BMERB1: variants seen among roughly 807,000 people sequenced by gnomAD.
The protein encoded by BMERB1 is bMERB domain-containing protein 1.
Under a neutral mutation model 23.6 loss-of-function variants are expected in BMERB1, and 12 were observed. The ratio of observed to expected loss-of-function variants is 0.51; its 90% CI spans 0.33 to 0.82. BMERB1 has a LOEUF of 0.82. Ranked by LOEUF, BMERB1 falls within the 40% of genes least tolerant of loss-of-function variation. The pLI is 0.03. For synonymous variants in BMERB1, 122 were observed against 96.6 expected, an observed-to-expected ratio of 1.26 and a Z score of -1.54; for missense variants, 247 against 255.4, an observed-to-expected ratio of 0.97 and a Z score of 0.22.
chr16:15,573,595 G>A (rs180899561), intron 3 of BMERB1, among the ~76,000 whole-genome samples: 47 of 152,192 alleles, frequency 3.1e-4, no homozygotes, highest in Admixed American at 8.5e-4. Flanking sequence ...TCAAGTGCAC[G>A]GTCTGCAAAA....
chr16:15,493,849 C>G (rs982693217), intron 1 of BMERB1, among the ~76,000 whole-genome samples: 1 of 152,180 alleles, frequency 6.6e-6, no homozygotes, highest in African/African-American at 2.4e-5. Context: ...GATTTTCAGG[C>G]TAAGCAGTTT....
chr16:15,505,219 C>T (rs1443874044), intron 1 of BMERB1, among the ~76,000 whole-genome samples: 1 of 152,216 alleles, frequency 6.6e-6, no homozygotes, highest in Non-Finnish European at 1.5e-5. Context: ...GAATTCTATT[C>T]TACAACAGGG....
intron 1 of BMERB1, among the ~76,000 whole-genome samples, chr16:15,435,246 CT>C (rs2050878104): frequency 6.6e-6 from 1 of 152,284 alleles, no homozygotes; most frequent in East Asian, 1.9e-4. Flanking sequence ...AAATTCCCAG[CT>C]TTTCCTCCCT....
intron 2 of BMERB1, among the ~76,000 whole-genome samples, chr16:15,519,949 T>C (rs939129070): frequency 1.3e-5 from 2 of 152,126 alleles, no homozygotes; most frequent in African/African-American, 4.8e-5. Context: ...CCTGGCTCTC[T>C]GACGTCCTTG....
chr16:15,474,628 C>T (rs2051260129), intron 1 of BMERB1, among the ~76,000 whole-genome samples: 2 of 152,156 alleles, frequency 1.3e-5, no homozygotes, highest in Admixed American at 1.3e-4. Flanking sequence ...GTTCCTCCTG[C>T]CTCAGCCTCC....
intron 2 of BMERB1, among the ~76,000 whole-genome samples, chr16:15,549,202 G>A (rs2030008681): frequency 6.6e-6 from 1 of 152,064 alleles, no homozygotes; most frequent in Non-Finnish European, 1.5e-5. Flanking sequence ...AGCTGAGCAT[G>A]GTGGCTGGTG....
chr16:15,544,599 G>T (rs893681984), intron 2 of BMERB1, among the ~76,000 whole-genome samples: 1 of 152,336 alleles, frequency 6.6e-6, no homozygotes, highest in East Asian at 1.9e-4. Context: ...GACACTCACA[G>T]CTTGGCCAAA....
chr16:15,544,792 G>T (rs1316837480), intron 2 of BMERB1, among the ~76,000 whole-genome samples: 1 of 152,124 alleles, frequency 6.6e-6, no homozygotes, highest in Non-Finnish European at 1.5e-5. Context: ...GTGACTGCTA[G>T]TTCTCCATCA....
intron 2 of BMERB1, among the ~76,000 whole-genome samples, chr16:15,547,141 A>G (rs960900883): frequency 6.7e-6 from 1 of 149,234 alleles, no homozygotes; most frequent in African/African-American, 2.5e-5. Context: ...GCTTCCGAGT[A>G]GCTGGGATTA....
At chr16:15,435,825 G>A (rs1380244377) in intron 1 of BMERB1, among the ~76,000 whole-genome samples, 1 of 152,220 alleles carries the variant, frequency 6.6e-6, no homozygotes, top group East Asian at 1.9e-4. Context: ...GGGCTCAACT[G>A]TGTTCTGATT....
intron 1 of BMERB1, among the ~76,000 whole-genome samples, chr16:15,470,719 T>C (rs1455318663): frequency 6.6e-6 from 1 of 151,086 alleles, no homozygotes; most frequent in Non-Finnish European, 1.5e-5. Context: ...AGAGACGGGG[T>C]TTCACCATGT....
intron 2 of BMERB1, among the ~76,000 whole-genome samples, chr16:15,534,270 A>AT (rs1229991391): frequency 1.4e-4 from 13 of 95,902 alleles, no homozygotes; most frequent in African/African-American, 3.6e-4. Flanking sequence ...AAAGACCTTG[A>AT]TTTTTTTTTT....
chr16:15,489,627 C>G (rs983511747), intron 1 of BMERB1, among the ~76,000 whole-genome samples: 2 of 152,132 alleles, frequency 1.3e-5, no homozygotes, highest in Non-Finnish European at 2.9e-5. Context: ...TCAGGAAAAG[C>G]AGACAGAGCC....
chr16:15,504,003 T>C (rs2051557642), intron 1 of BMERB1, among the ~76,000 whole-genome samples: 2 of 152,222 alleles, frequency 1.3e-5, no homozygotes, highest in Non-Finnish European at 2.9e-5. Flanking sequence ...ATTAAATGTA[T>C]ATAAGAGCAA....
At chr16:15,548,039 C>T (rs1472665399) in intron 2 of BMERB1, among the ~76,000 whole-genome samples, 1 of 152,184 alleles carries the variant, frequency 6.6e-6, no homozygotes, top group Non-Finnish European at 1.5e-5. Flanking sequence ...GGCTGGAGCG[C>T]AGTGGCATGA....
rs1293034586 is a variant in BMERB1, at chr16:15,587,693, C to T, written c.*864C>T. 2 of 292,672 alleles carry T rather than the reference C, an allele frequency of 6.8e-6. No homozygotes were observed. The highest frequency in any genetic ancestry group is 4.5e-5 in the African/African-American group (2 of 44,698). 18.1% of individuals were successfully genotyped at this position (292,672 alleles called of 1,614,324 possible). The stretch of plus-strand genomic sequence containing the variant: ...GCAGGATGCCACTTTGCCAGCCCGA[C>T]ACACGGACCTTTGTAAAGAACAGCA... On this transcript the variant is annotated 3_prime_UTR_variant, in exon 6 of 6. Transcript: ENST00000300006.
chr16:15,587,098 G>C lies in BMERB1; in HGVS notation c.*269G>C, dbSNP rs2031167662. 2.2e-6 allele frequency: 1 copy of C among 454,200 alleles called. No individual in the cohort carries two copies. The highest frequency in any genetic ancestry group is 3.9e-6 in the Non-Finnish European group (1 of 255,128). 28.1% of individuals were successfully genotyped at this position (454,200 alleles called of 1,614,324 possible). A position where few individuals can be genotyped will look rare whatever the true frequency, so the allele number is the denominator to read the frequency against. ...ACTGTTTATCCAAACACCAGGAAAG[G>C]TCCTCCCTCAAAAAAGCATATCTCC... On this transcript the variant is annotated 3_prime_UTR_variant, in exon 6 of 6. Coordinates refer to ENST00000300006, the MANE Select transcript of BMERB1 (RefSeq NM_033201.3).
intron 2 of BMERB1, among the ~76,000 whole-genome samples, chr16:15,528,001 T>C (rs2051926797): frequency 6.6e-6 from 1 of 152,174 alleles, no homozygotes; most frequent in Non-Finnish European, 1.5e-5. Context: ...ACCACCCAGG[T>C]TCACATGCCC....
chr16:15,517,852 TGTG>T (rs1203629873), intron 2 of BMERB1, among the ~76,000 whole-genome samples: 30 of 84,112 alleles, frequency 3.6e-4, no homozygotes, highest in African/African-American at 8.5e-4. Flanking sequence ...GTATTGTGGA[TGTG>T]TGTGTGTGGA....
Sources: gnomAD v4.1 joint callset for allele counts (sites outside exome capture counted in the v4.1 genomes callset) on GRCh38, gnomAD v4.1.1 for gene constraint, MANE v1.5 for transcripts, NCBI Gene and HGNC (gene_info 2026-07-23, HGNC 2026-07-21) for gene names.